Variants in MGMT observed in about 807,000 individuals in gnomAD.
MGMT encodes O-6-methylguanine-DNA methyltransferase.
Under a neutral mutation model 15.9 loss-of-function variants are expected in MGMT, and 14 were observed. The observed-to-expected ratio is 0.88, with a 90% CI of 0.58 to 1.37. The LOEUF (loss-of-function observed/expected upper bound fraction) is 1.37, where lower values mean the gene tolerates loss of function less well. Among genes scored for constraint, MGMT ranks in the 40% most tolerant of loss-of-function variants. The pLI is 0.00. For synonymous variants in MGMT, 130 were observed against 118.2 expected (o/e 1.10, Z -0.65); for missense variants, 282 against 268.1 (o/e 1.05, Z -0.36).
At chr10:129,666,461 T>C (rs1847659966) in intron 2 of MGMT, among the ~76,000 whole-genome samples, 1 of 152,228 alleles carries the variant, frequency 6.6e-6, no homozygotes, top group Non-Finnish European at 1.5e-5. Context: ...TAAAATTTTA[T>C]ACTATGAGTC....
Position 129,467,246 on chromosome 10 carries a change from T to C in MGMT, c.-63T>C. On this transcript the variant is annotated 5_prime_UTR_variant, in exon 1 of 5. Transcript: ENST00000651593. ...GGGACAGCCCGCGCCCCTAGAACGC[T>C]TTGCGTCCCGACGCCCGCAGGTCCT... 6.6e-7 allele frequency: 1 copy of C among 1,522,844 alleles called. No homozygotes were observed. Among genetic ancestry groups the C allele is most frequent in the Non-Finnish European group, 8.8e-7 (1 of 1,133,246 alleles). The allele number at this position is 1,522,844 out of a possible 1,614,324, so 94.3% of individuals were successfully genotyped here. A position where few individuals can be genotyped will look rare whatever the true frequency, so the allele number is the denominator to read the frequency against.
At chr10:129,469,326 C>T (rs1845204893) in intron 1 of MGMT, among the ~76,000 whole-genome samples, 1 of 152,148 alleles carries the variant, frequency 6.6e-6, no homozygotes, top group Non-Finnish European at 1.5e-5. Flanking sequence ...CATTTAGGAG[C>T]CAGTGATTCA....
At chr10:129,747,984 A>G (rs1848712961) in intron 3 of MGMT, among the ~76,000 whole-genome samples, 1 of 152,224 alleles carries the variant, frequency 6.6e-6, no homozygotes, top group African/African-American at 2.4e-5. Context: ...TCATGCTGTC[A>G]GTGTCATTTA....
chr10:129,642,432 A>G (rs1468149603), intron 2 of MGMT, among the ~76,000 whole-genome samples: 1 of 151,920 alleles, frequency 6.6e-6, no homozygotes, highest in East Asian at 1.9e-4. Context: ...TTCCACCTGA[A>G]TTTTTCCAAA....
intron 3 of MGMT, among the ~76,000 whole-genome samples, chr10:129,745,736 A>G (rs1848687503): frequency 6.6e-6 from 1 of 151,966 alleles, no homozygotes; most frequent in Non-Finnish European, 1.5e-5. Flanking sequence ...TTTTGTGGTT[A>G]TTGACCCCTC....
chr10:129,484,796 T>G lies in MGMT; in HGVS notation c.-13+17500T>G, dbSNP rs1300699520. ...TTGTATCCTTTCAAGGTATCATGCT[T>G]TTTTTAAAAAAAGGTTTTGTTAGGG... On this transcript the variant is annotated intron_variant, in intron 1 of 4. Transcript: ENST00000651593. Among the ~76,000 whole-genome samples the G allele has an allele frequency of 2.6e-5, 4 of 152,168 alleles. No individual in the cohort carries two copies. In the East Asian group the frequency reaches 7.7e-4, roughly 29 times the overall value.
intron 2 of MGMT, chr10:129,701,790 C>T (rs1432587731): frequency 6.6e-6 from 1 of 152,214 alleles, no homozygotes; most frequent in African/African-American, 2.4e-5. Context: ...CCGTGTCCAA[C>T]AGGGGCCATT....
At chr10:129,662,819 A>G (rs766248154) in intron 2 of MGMT, among the ~76,000 whole-genome samples, 7 of 152,188 alleles carry the variant, frequency 4.6e-5, no homozygotes, top group Non-Finnish European at 8.8e-5. Context: ...AAAAGGCATT[A>G]TAAGAGACAG....
At chr10:129,506,972 A>G (rs970542083) in intron 1 of MGMT, among the ~76,000 whole-genome samples, 3 of 152,054 alleles carry the variant, frequency 2.0e-5, no homozygotes, top group Non-Finnish European at 4.4e-5. Context: ...CCCAGTCTTC[A>G]CTCTGCCACT....
chr10:129,686,752 T>TTTCCTAAATGCCTGG (rs1847908913), intron 2 of MGMT, among the ~76,000 whole-genome samples: 4 of 152,196 alleles, frequency 2.6e-5, no homozygotes, highest in Non-Finnish European at 5.9e-5. Context: ...ATAGGTGACA[T>TTTCCTAAATGCCTGG]CATGCGAACA....
chr10:129,503,319 G>A (rs993099915), intron 1 of MGMT, among the ~76,000 whole-genome samples: 1 of 152,162 alleles, frequency 6.6e-6, no homozygotes, highest in Non-Finnish European at 1.5e-5. Context: ...TATCGAAAAT[G>A]CCAGCAACTG....
chr10:129,467,665 C>G (rs1215700662), intron 1 of MGMT, among the ~76,000 whole-genome samples: 2 of 152,230 alleles, frequency 1.3e-5, no homozygotes, highest in East Asian at 3.8e-4. Context: ...TCCAGAAGCC[C>G]CTGCGCGGGC....
intron 2 of MGMT, among the ~76,000 whole-genome samples, chr10:129,547,633 TACTGCTTTCAAA>T (rs1202006809): frequency 3.3e-5 from 5 of 152,190 alleles, no homozygotes; most frequent in African/African-American, 1.2e-4. Context: ...GAATCCACAT[TACTGCTTTCAAA>T]GCTGCTTTTC....
At chr10:129,725,756 C>T (rs113018561) in intron 3 of MGMT, among the ~76,000 whole-genome samples, 11 of 152,334 alleles carry the variant, frequency 7.2e-5, no homozygotes, top group African/African-American at 1.9e-4. Flanking sequence ...CACACATCCA[C>T]GTAACTCTTG....
At chr10:129,626,623 T>C (rs554405288) in intron 2 of MGMT, among the ~76,000 whole-genome samples, 14 of 152,262 alleles carry the variant, frequency 9.2e-5, no homozygotes, top group African/African-American at 3.4e-4. Flanking sequence ...TTGGCTGTTC[T>C]GCATGCCCAG....
Position 129,756,958 on chromosome 10 carries a change from G to A in MGMT, c.275-2244G>A, listed in dbSNP as rs146378002. On this transcript the variant is annotated intron_variant, in intron 3 of 4. Coordinates refer to ENST00000651593, the MANE Select transcript of MGMT (RefSeq NM_002412.5). The stretch of plus-strand genomic sequence containing the variant: ...AAGGATTGCCCTTCTTCAAGAACGG[G>A]TGTCATTCAGCCATGTGATTCTGCA... Among the ~76,000 whole-genome samples, 175 of 152,332 alleles carry A rather than the reference G, an allele frequency of 1.1e-3. No homozygotes were observed. In the Middle Eastern group the frequency reaches 0.014, roughly 12 times the overall value.
intron 2 of MGMT, among the ~76,000 whole-genome samples, chr10:129,652,550 A>T (rs1287433936): frequency 6.6e-6 from 1 of 152,222 alleles, no homozygotes; most frequent in Non-Finnish European, 1.5e-5. Flanking sequence ...ACAAAGTTGA[A>T]GGTGGGAGGA....
intron 2 of MGMT, among the ~76,000 whole-genome samples, chr10:129,685,543 C>T (rs1180817294): frequency 1.3e-5 from 2 of 152,192 alleles, no homozygotes; most frequent in East Asian, 3.9e-4. Context: ...CTCCCCGGGG[C>T]CCTTTCGGCT....
chr10:129,742,662 C>T (rs1483842536), intron 3 of MGMT, among the ~76,000 whole-genome samples: 1 of 145,016 alleles, frequency 6.9e-6, no homozygotes, highest in Non-Finnish European at 1.5e-5. Context: ...CAGCAGTGCC[C>T]CACGGCTGCA....
Sources: gnomAD v4.1 joint callset for allele counts (sites outside exome capture counted in the v4.1 genomes callset) on GRCh38, gnomAD v4.1.1 for gene constraint, MANE v1.5 for transcripts, NCBI Gene and HGNC (gene_info 2026-07-23, HGNC 2026-07-21) for gene names.